The following BCAS3 variants were observed in gnomAD, a reference collection of about 807,000 sequenced individuals.
BCAS3 encodes BCAS4/BCAS3 fusion.
Under a neutral mutation model 116.1 loss-of-function variants are expected in BCAS3, and 53 were observed. The ratio of observed to expected loss-of-function variants is 0.46; its 90% CI spans 0.37 to 0.57. The LOEUF (loss-of-function observed/expected upper bound fraction) is 0.57, where lower values mean the gene tolerates loss of function less well. BCAS3 is among the 20% of genes least tolerant of loss of function. BCAS3 has a pLI of 0.00. For missense variants in BCAS3, 917 were observed against 1,165.4 expected (o/e 0.79, Z 3.10); for synonymous variants, 391 against 408.2 (o/e 0.96, Z 0.51).
intron 19 of BCAS3, among the ~76,000 whole-genome samples, chr17:61,054,489 C>G (rs1447459304): frequency 6.6e-6 from 1 of 152,182 alleles, no homozygotes; most frequent in Non-Finnish European, 1.5e-5. Flanking sequence ...GCCTCAGCCT[C>G]CTAAGTAGCT....
intron 7 of BCAS3, among the ~76,000 whole-genome samples, chr17:60,852,807 A>G (rs2053294937): frequency 6.6e-6 from 1 of 152,206 alleles, no homozygotes; most frequent in South Asian, 2.1e-4. Flanking sequence ...AAATGCTGAG[A>G]AGAGGTGGAA....
chr17:60,716,083 G>T (rs1214518557), intron 5 of BCAS3, among the ~76,000 whole-genome samples: 1 of 151,184 alleles, frequency 6.6e-6, no homozygotes, highest in African/African-American at 2.4e-5. Context: ...AGCTGGTCTC[G>T]AGCTCCTGAC....
At chr17:61,174,956 T>C (rs2079053456) in intron 22 of BCAS3, among the ~76,000 whole-genome samples, 1 of 152,184 alleles carries the variant, frequency 6.6e-6, no homozygotes, top group Non-Finnish European at 1.5e-5. Flanking sequence ...TATGTACTTT[T>C]CTATGGGAGC....
rs546332634 is a variant in BCAS3 at position 61,145,498 on chromosome 17, AC to A, written c.2425+60935del. 2.1e-4 allele frequency among the ~76,000 whole-genome samples: 32 copies of A among 152,188 alleles called. No homozygotes were observed. The highest frequency in any genetic ancestry group is 7.5e-4 in the African/African-American group (31 of 41,496). ...TGAGGAGAAGAGAGGCTCTCTTCACACTCTACTGAGTACACAGACTTTGGAG... is the reference window on the plus strand; with the variant it reads ...TGAGGAGAAGAGAGGCTCTCTTCACATCTACTGAGTACACAGACTTTGGAG... On this transcript the variant is annotated intron_variant, in intron 22 of 23. Coordinates refer to ENST00000407086, the MANE Select transcript of BCAS3 (RefSeq NM_017679.5). The surrounding 1 kb of genome is among the most constrained non-coding windows in gnomAD (Gnocchi z 5.0).
At chr17:60,917,912 T>G (rs2058859332) in intron 12 of BCAS3, among the ~76,000 whole-genome samples, 1 of 152,222 alleles carries the variant, frequency 6.6e-6, no homozygotes, top group African/African-American at 2.4e-5. Flanking sequence ...CAATTTTGAA[T>G]AATGCTTGTG....
chr17:60,735,969 T>C (rs758088427), intron 5 of BCAS3, among the ~76,000 whole-genome samples: 1 of 152,196 alleles, frequency 6.6e-6, no homozygotes, highest in African/African-American at 2.4e-5. Flanking sequence ...AGCTATTACA[T>C]TAAGTGAGCC....
intron 22 of BCAS3, among the ~76,000 whole-genome samples, chr17:61,160,480 A>G (rs528788896): frequency 4.6e-5 from 7 of 152,270 alleles, no homozygotes; most frequent in African/African-American, 1.4e-4. Flanking sequence ...GCGCTCCTGC[A>G]TGGTATGCTT....
At chr17:61,386,718 G>A (rs781304709) in intron 23 of BCAS3, among the ~76,000 whole-genome samples, 17 of 151,950 alleles carry the variant, frequency 1.1e-4, no homozygotes, top group South Asian at 2.1e-4. Flanking sequence ...TTGGCCAGAC[G>A]TCCAGGTTGG....
Position 61,391,921 on chromosome 17 carries a change from C to T in BCAS3, c.2594-56C>T, listed in dbSNP as rs1381111413. ...GGCAGGCAGCCTGGCCCAGATGGTG[C>T]CCCCACTCCCCAGACCCAACTCTAA... On this transcript the variant is annotated intron_variant, in intron 23 of 23. Coordinates refer to ENST00000407086, the MANE Select transcript of BCAS3 (RefSeq NM_017679.5). This position sits in a 1 kb window ranked among gnomAD's most constrained non-coding sequence, Gnocchi z 7.7. 6.3e-7 allele frequency: 1 copy of T among 1,574,852 alleles called. No individual in the cohort carries two copies. The highest frequency in any genetic ancestry group is 8.6e-7 in the Non-Finnish European group (1 of 1,159,536).
chr17:60,738,259 G>A (rs938749774), intron 5 of BCAS3, among the ~76,000 whole-genome samples: 1 of 152,200 alleles, frequency 6.6e-6, no homozygotes, highest in Non-Finnish European at 1.5e-5. Flanking sequence ...ATGTCCTTTT[G>A]TGCTTTTCTG....
Position 60,980,970 on chromosome 17 carries a change from A to C in BCAS3, c.1222-9001A>C, listed in dbSNP as rs551808627. 4.6e-5 allele frequency among the ~76,000 whole-genome samples: 7 copies of C among 152,172 alleles called. No homozygotes were observed. In the South Asian group the frequency reaches 1.5e-3, roughly 32 times the overall value. On this transcript the variant is annotated intron_variant, in intron 14 of 23. Transcript: ENST00000407086. ...CACCCTAGCCTCTTAAGTAGCTGGA[A>C]CTACAGGCATGTGCCACCATGCCAG... is the stretch of plus-strand genomic sequence containing the variant.
intron 8 of BCAS3, among the ~76,000 whole-genome samples, chr17:60,871,799 G>A (rs1462345048): frequency 1.3e-5 from 2 of 151,776 alleles, no homozygotes; most frequent in Non-Finnish European, 2.9e-5. Context: ...TTGCAGCTAT[G>A]TTCATGAGGG....
chr17:61,201,724 C>T lies in BCAS3; in HGVS notation c.2425+117160C>T, dbSNP rs146147461. On this transcript the variant is annotated intron_variant, in intron 22 of 23. Transcript: ENST00000407086. ...TTTAAAAAAGCCTTTTCTGTACTTT[C>T]CAGTGAGGGAGAAAGGTAAGGGAAA... Among the ~76,000 whole-genome samples the T allele has an allele frequency of 7.1e-4, 108 of 151,806 alleles. 1 individual carries two copies. In the East Asian group the frequency reaches 0.014, roughly 20 times the overall value.
At chr17:61,289,513 G>A (rs1489622545) in intron 22 of BCAS3, among the ~76,000 whole-genome samples, 1 of 152,198 alleles carries the variant, frequency 6.6e-6, no homozygotes, top group African/African-American at 2.4e-5. Context: ...AGGCAGGCTG[G>A]CCAGCAGGAG....
At chr17:60,804,943 T>A (rs1419930881) in intron 6 of BCAS3, among the ~76,000 whole-genome samples, 1 of 151,622 alleles carries the variant, frequency 6.6e-6, no homozygotes, top group East Asian at 1.9e-4. Context: ...TTAAAGATCC[T>A]GTGATGTAAA....
intron 22 of BCAS3, among the ~76,000 whole-genome samples, chr17:61,271,665 C>G (rs1028895880): frequency 2.0e-5 from 3 of 147,766 alleles, no homozygotes; most frequent in African/African-American, 7.5e-5. Context: ...CCATGTTGAC[C>G]GGGCTGGTTT....
chr17:61,313,278 C>T lies in BCAS3; in HGVS notation c.2426-55049C>T, dbSNP rs528085165. On this transcript the variant is annotated intron_variant, in intron 22 of 23. Coordinates refer to ENST00000407086, the MANE Select transcript of BCAS3 (RefSeq NM_017679.5). The surrounding 1 kb of genome is among the most constrained non-coding windows in gnomAD (Gnocchi z 4.3). ...ATATAACTGGTAAAGGGTGTGGCCACGATTACACCACCATGATTCTACTCC... is the reference window on the plus strand; with the variant it reads ...ATATAACTGGTAAAGGGTGTGGCCATGATTACACCACCATGATTCTACTCC... Among the ~76,000 whole-genome samples the T allele has an allele frequency of 1.1e-4, 16 of 152,332 alleles. No individual in the cohort carries two copies. Among genetic ancestry groups the T allele is most frequent in the South Asian group, 8.3e-4 (4 of 4,832 alleles).
rs191775998 is a variant in BCAS3, at chr17:61,316,795, G to A, written c.2426-51532G>A. Among the ~76,000 whole-genome samples, 2 of 152,248 alleles carry A rather than the reference G, an allele frequency of 1.3e-5. No homozygotes were observed. The highest frequency in any genetic ancestry group is 1.3e-4 in the Admixed American group (2 of 15,294). ...CTGTATGTGCTGTGCTAGATTCCTC[G>A]GGGTCATGTACAATAATTCCTGCCA... On this transcript the variant is annotated intron_variant, in intron 22 of 23. Transcript: ENST00000407086. The surrounding 1 kb of genome is among the most constrained non-coding windows in gnomAD (Gnocchi z 5.8).
intron 1 of BCAS3, among the ~76,000 whole-genome samples, chr17:60,678,683 A>C (rs1427499492): frequency 6.6e-6 from 1 of 152,198 alleles, no homozygotes; most frequent in Non-Finnish European, 1.5e-5. Context: ...ATGTGATTTA[A>C]ATTGTGATTT....
Sources: gnomAD v4.1 joint callset for allele counts (sites outside exome capture counted in the v4.1 genomes callset) on GRCh38, gnomAD v4.1.1 for gene constraint, Gnocchi (gnomAD v3.1) non-coding constraint, MANE v1.5 for transcripts, NCBI Gene and HGNC (gene_info 2026-07-23, HGNC 2026-07-21) for gene names.